MAP2K4: variants seen among roughly 807,000 people sequenced by gnomAD.
The protein encoded by MAP2K4 is mitogen-activated protein kinase kinase 4.
Under a neutral mutation model 48.5 loss-of-function variants are expected in MAP2K4, and 4 were observed. That is an observed-to-expected ratio of 0.08 (90% CI 0.04 to 0.19). The LOEUF is 0.19. Ranked by LOEUF, MAP2K4 falls within the 10% of genes least tolerant of loss-of-function variation. The pLI is 1.00. For synonymous variants in MAP2K4, 166 were observed against 173.1 expected (o/e 0.96, Z 0.32); for missense variants, 258 against 493.3 (o/e 0.52, Z 4.52).
In MAP2K4 at chr17:12,142,116, A is replaced by G. The variant is rs191563418; in HGVS notation, c.*856A>G. 647 of 233,558 alleles carry G rather than the reference A, an allele frequency of 2.8e-3. 1 individual carries two copies. Among genetic ancestry groups the G allele is most frequent in the Non-Finnish European group, 4.3e-3 (511 of 117,934 alleles). 14.5% of individuals were successfully genotyped at this position (233,558 alleles called of 1,614,324 possible). A position where few individuals can be genotyped will look rare whatever the true frequency, so the allele number is the denominator to read the frequency against. On this transcript the variant is annotated 3_prime_UTR_variant, in exon 11 of 11. Transcript: ENST00000353533. ...ACCACCAGGACTGAAAGAAGAAAAC[A>G]GTACAGAAGGCAAAGTTTACAGATG...
chr17:12,079,618 T>C (rs1475864035), intron 2 of MAP2K4, among the ~76,000 whole-genome samples: 1 of 152,186 alleles, frequency 6.6e-6, no homozygotes, highest in Non-Finnish European at 1.5e-5. Flanking sequence ...TTGCTTCTGA[T>C]TTACAAGTAA....
intron 4 of MAP2K4, among the ~76,000 whole-genome samples, chr17:12,105,390 A>G (rs1296223782): frequency 1.3e-5 from 2 of 152,168 alleles, no homozygotes. Flanking sequence ...TTTATTAGAT[A>G]CATTTCCTGG....
chr17:12,090,206 A>G (rs1429667772), intron 3 of MAP2K4, among the ~76,000 whole-genome samples: 2 of 152,166 alleles, frequency 1.3e-5, no homozygotes, highest in Non-Finnish European at 2.9e-5. Context: ...CTTCACATAC[A>G]TTGTTCAAGA....
At chr17:12,119,661 G>C (rs1972617163) in intron 7 of MAP2K4, among the ~76,000 whole-genome samples, 1 of 152,178 alleles carries the variant, frequency 6.6e-6, no homozygotes, top group South Asian at 2.1e-4. Context: ...AAAAGGAATA[G>C]AAGTCATTCT....
intron 9 of MAP2K4, among the ~76,000 whole-genome samples, chr17:12,135,525 T>C (rs1973177744): frequency 6.6e-6 from 1 of 152,156 alleles, no homozygotes; most frequent in African/African-American, 2.4e-5. Flanking sequence ...TGAGCCACTG[T>C]ACCTGGCCTG....
At chr17:12,062,886 C>T (rs1282066523) in intron 2 of MAP2K4, among the ~76,000 whole-genome samples, 1 of 151,684 alleles carries the variant, frequency 6.6e-6, no homozygotes, top group African/African-American at 2.4e-5. Flanking sequence ...CATTCTTCCC[C>T]CCCACCTCCC....
At chr17:12,048,553 TA>T (rs1283309977) in intron 1 of MAP2K4, among the ~76,000 whole-genome samples, 1 of 152,118 alleles carries the variant, frequency 6.6e-6, no homozygotes, top group Non-Finnish European at 1.5e-5. Context: ...TGGGGGGAGA[TA>T]GGGGCAATAT....
chr17:12,136,640 A>G (rs774240969), intron 9 of MAP2K4, among the ~76,000 whole-genome samples: 1 of 150,116 alleles, frequency 6.7e-6, no homozygotes, highest in Non-Finnish European at 1.5e-5. Context: ...AATTATTGAT[A>G]ACATTATTAG....
At position 12,087,519 on chromosome 17, in the gene MAP2K4, A is replaced by C. The variant is rs1273456928; in HGVS notation, c.393+5989A>C. Among the ~76,000 whole-genome samples, 3 of 152,148 alleles carry C rather than the reference A, an allele frequency of 2.0e-5. No homozygotes were observed. In the East Asian group the frequency reaches 5.8e-4, roughly 29 times the overall value. On this transcript the variant is annotated intron_variant, in intron 3 of 10. Transcript: ENST00000353533. ...ATGTAATATAACACATGCTTTTGGA[A>C]CTGAACTCCCAGGTGCTCTGATAAT...
intron 1 of MAP2K4, among the ~76,000 whole-genome samples, chr17:12,053,613 A>G (rs1234584756): frequency 6.6e-6 from 1 of 151,816 alleles, no homozygotes; most frequent in Non-Finnish European, 1.5e-5. Flanking sequence ...TGTTGTTTGA[A>G]TGTCCTTCCT....
intron 2 of MAP2K4, among the ~76,000 whole-genome samples, chr17:12,056,325 A>G (rs570229351): frequency 6.9e-6 from 1 of 145,600 alleles, no homozygotes; most frequent in South Asian, 2.3e-4. Context: ...ATCTATTTGT[A>G]CTGTCTTCCC....
Position 12,039,341 on chromosome 17 carries a change from A to G in MAP2K4, c.116-15548A>G, listed in dbSNP as rs181885081. On this transcript the variant is annotated intron_variant, in intron 1 of 10. Coordinates refer to ENST00000353533, the MANE Select transcript of MAP2K4 (RefSeq NM_003010.4). The stretch of plus-strand genomic sequence containing the variant: ...CAAAATTTTTATGCATCCCCACCCC[A>G]CTTTCTTTTTGGCAGGGTTAGAAGA... Among the ~76,000 whole-genome samples, 16 of 152,206 alleles carry G rather than the reference A, an allele frequency of 1.1e-4. No individual in the cohort carries two copies. In the East Asian group the frequency reaches 3.1e-3, roughly 29 times the overall value.
chr17:12,051,263 GT>G lies in MAP2K4; in HGVS notation c.116-3624del, dbSNP rs202041150. ...TGGAAGTGTGATGAGGACAGGTACT[GT>G]TCCTAAGTCAGGGTTCTTGGTTGCA... On this transcript the variant is annotated intron_variant, in intron 1 of 10. Coordinates refer to ENST00000353533, the MANE Select transcript of MAP2K4 (RefSeq NM_003010.4). 7.4e-3 allele frequency among the ~76,000 whole-genome samples: 1,128 copies of G among 152,296 alleles called. 11 individuals are homozygous for G. The highest frequency in any genetic ancestry group is 0.024 in the African/African-American group (1,010 of 41,562).
intron 7 of MAP2K4, among the ~76,000 whole-genome samples, chr17:12,113,750 A>G (rs1972385172): frequency 6.6e-6 from 1 of 152,172 alleles, no homozygotes; most frequent in South Asian, 2.1e-4. Context: ...GAAGCTGCAT[A>G]TTTTGAATAT....
chr17:12,042,421 G>A (rs1969819120), intron 1 of MAP2K4, among the ~76,000 whole-genome samples: 1 of 152,098 alleles, frequency 6.6e-6, no homozygotes, highest in African/African-American at 2.4e-5. Context: ...AGGGTGGAGA[G>A]AAGTCAGCTT....
At chr17:12,140,256 G>C (rs7207011) in intron 10 of MAP2K4, among the ~76,000 whole-genome samples, 1 of 152,034 alleles carries the variant, frequency 6.6e-6, no homozygotes, top group Admixed American at 6.6e-5. Flanking sequence ...GCAAATTTAC[G>C]TCATATAGCC....
At chr17:12,087,819 A>C (rs982277819) in intron 3 of MAP2K4, among the ~76,000 whole-genome samples, 3 of 152,124 alleles carry the variant, frequency 2.0e-5, no homozygotes, top group African/African-American at 7.2e-5. Context: ...TACATCTGTG[A>C]TCAGCATTCT....
At chr17:12,023,910 A>T (rs929399305) in intron 1 of MAP2K4, among the ~76,000 whole-genome samples, 1 of 152,204 alleles carries the variant, frequency 6.6e-6, no homozygotes, top group Non-Finnish European at 1.5e-5. Context: ...CCTGACATGT[A>T]GTAAGGATGC....
chr17:12,032,830 A>T (rs1406120253), intron 1 of MAP2K4, among the ~76,000 whole-genome samples: 2 of 152,212 alleles, frequency 1.3e-5, no homozygotes, highest in African/African-American at 4.8e-5. Context: ...ATCAAAAAAA[A>T]AGTTATAAAC....
Sources: allele counts gnomAD v4.1 joint callset (sites outside exome capture counted in the v4.1 genomes callset), GRCh38; gene constraint gnomAD v4.1.1; transcripts MANE v1.5; gene names NCBI Gene and HGNC (gene_info 2026-07-23, HGNC 2026-07-21).